Variants in TENM3 observed in about 807,000 individuals in gnomAD.
TENM3 encodes teneurin-3.
TENM3 carries 63 observed loss-of-function variants against 255.1 expected under a neutral mutation model. That is an observed-to-expected ratio of 0.25 (90% confidence interval 0.20 to 0.30). The LOEUF (loss-of-function observed/expected upper bound fraction) is 0.30, where lower values mean the gene tolerates loss of function less well. TENM3 is among the 10% of genes least tolerant of loss of function. TENM3 has a pLI of 1.00. For missense variants in TENM3, 2,929 were observed against 3,461.1 expected (o/e 0.85, Z 3.86); for synonymous variants, 1,306 against 1,322.3 (o/e 0.99, Z 0.27).
the TENM3 span, among the ~76,000 whole-genome samples, chr4:181,484,094 A>G: frequency 1.3e-5 from 2 of 152,000 alleles, no homozygotes; most frequent in African/African-American, 4.8e-5. Flanking sequence ...TTTGGTTTGT[A>G]TTTCCAGCCC....
upstream of TENM3, among the ~76,000 whole-genome samples, chr4:182,240,625 C>T (rs7668986): frequency 0.41 from 62,850 of 151,972 alleles, 15,140 homozygotes; most frequent in African/African-American, 0.67. Flanking sequence ...GGGTGATTAC[C>T]ATCAGAGCCT....
intron 1 of TENM3, among the ~76,000 whole-genome samples, chr4:182,203,073 C>T (rs1175733344): frequency 6.6e-6 from 1 of 151,946 alleles, no homozygotes; most frequent in East Asian, 1.9e-4. Flanking sequence ...AAAAATTAGC[C>T]AGGCGTAGTG....
chr4:182,248,646 A>G (rs1489377657), intron 1 of TENM3, among the ~76,000 whole-genome samples: 2 of 152,250 alleles, frequency 1.3e-5, no homozygotes, highest in Admixed American at 1.3e-4. Context: ...TGTAATTTTA[A>G]AATAGCATCT....
At chr4:182,046,658 A>G in the TENM3 span, among the ~76,000 whole-genome samples, 1 of 152,098 alleles carries the variant, frequency 6.6e-6, no homozygotes, top group African/African-American at 2.4e-5. Context: ...TGAGTCCTGG[A>G]GGTCAAGGCT....
chr4:182,297,777 C>T (rs917768688), intron 1 of TENM3, among the ~76,000 whole-genome samples: 2 of 152,172 alleles, frequency 1.3e-5, no homozygotes, highest in Admixed American at 6.6e-5. Flanking sequence ...AACAGGCTAC[C>T]GGGCAGCCAG....
chr4:182,582,899 G>A (rs1359685802), intron 3 of TENM3, among the ~76,000 whole-genome samples: 2 of 152,166 alleles, frequency 1.3e-5, no homozygotes, highest in African/African-American at 4.8e-5. Flanking sequence ...TTGCCTTGGG[G>A]AATTAGAATG....
the TENM3 span, among the ~76,000 whole-genome samples, chr4:182,004,927 C>G: frequency 3.9e-5 from 6 of 151,956 alleles, no homozygotes; most frequent in Admixed American, 3.9e-4. Flanking sequence ...TTGTTTTCTT[C>G]TTGTAAATAT....
the TENM3 span, among the ~76,000 whole-genome samples, chr4:182,106,466 A>G: frequency 6.6e-6 from 1 of 152,214 alleles, no homozygotes; most frequent in Non-Finnish European, 1.5e-5. Context: ...TCCAAAAATA[A>G]AAACCAAAAA....
At chr4:182,758,919 T>A (rs1335269940) in intron 22 of TENM3, among the ~76,000 whole-genome samples, 2 of 152,206 alleles carry the variant, frequency 1.3e-5, no homozygotes, top group South Asian at 2.1e-4. Context: ...ACTTTTCAGC[T>A]CAAATTCCCA....
the TENM3 span, among the ~76,000 whole-genome samples, chr4:181,615,356 C>G: frequency 6.6e-6 from 1 of 152,102 alleles, no homozygotes; most frequent in African/African-American, 2.4e-5. Flanking sequence ...CAGGATCTTT[C>G]AAAAGAAAAA....
At chr4:182,169,808 C>T (rs1406331624) in intron 1 of TENM3, among the ~76,000 whole-genome samples, 1 of 151,878 alleles carries the variant, frequency 6.6e-6, no homozygotes, top group African/African-American at 2.4e-5. Context: ...ACATCAGTAA[C>T]AAAATTATAG....
chr4:182,498,797 G>A (rs1443030146), intron 3 of TENM3, among the ~76,000 whole-genome samples: 2 of 152,054 alleles, frequency 1.3e-5, no homozygotes, highest in Non-Finnish European at 2.9e-5. Context: ...GGAGGTTGCA[G>A]TGAGTTGAGA....
chr4:181,551,838 ATGTGTGTGTGTG>A, the TENM3 span, among the ~76,000 whole-genome samples: 2,376 of 138,890 alleles, frequency 0.017, 41 homozygotes, highest in African/African-American at 0.034. Flanking sequence ...ATATATGTAT[ATGTGTGTGTGTG>A]TGTGTGTGTG....
the TENM3 span, among the ~76,000 whole-genome samples, chr4:181,483,386 G>A: frequency 6.6e-6 from 1 of 152,012 alleles, no homozygotes; most frequent in African/African-American, 2.4e-5. Context: ...CAGAAAGGAA[G>A]GCAGAAAAAA....
chr4:181,902,140 C>G, the TENM3 span, among the ~76,000 whole-genome samples: 1 of 123,030 alleles, frequency 8.1e-6, no homozygotes, highest in African/African-American at 3.1e-5. Flanking sequence ...CACACACACA[C>G]TTATATACAA....
intron 3 of TENM3, among the ~76,000 whole-genome samples, chr4:182,480,515 G>T (rs563121377): frequency 2.8e-4 from 43 of 152,082 alleles, no homozygotes; most frequent in Admixed American, 9.2e-4. Context: ...AAGTTTGCTT[G>T]TAGGCCTTAA....
chr4:181,897,532 T>G, the TENM3 span, among the ~76,000 whole-genome samples: 1 of 152,212 alleles, frequency 6.6e-6, no homozygotes, highest in Admixed American at 6.5e-5. Flanking sequence ...GATACTGACT[T>G]TAAGTTAAAA....
intron 3 of TENM3, among the ~76,000 whole-genome samples, chr4:182,448,123 C>T (rs1773081473): frequency 6.6e-6 from 1 of 152,230 alleles, no homozygotes; most frequent in African/African-American, 2.4e-5. Flanking sequence ...GCCCCTGGTA[C>T]CGTCTTCTCT....
the TENM3 span, among the ~76,000 whole-genome samples, chr4:182,114,576 T>A: frequency 3.3e-5 from 5 of 152,232 alleles, no homozygotes; most frequent in Admixed American, 2.0e-4. Flanking sequence ...ATAATATATA[T>A]GTTTATAGAT....
Sources: gnomAD v4.1 joint callset for allele counts (sites outside exome capture counted in the v4.1 genomes callset) on GRCh38, gnomAD v4.1.1 for gene constraint, MANE v1.5 for transcripts, NCBI Gene and HGNC (gene_info 2026-07-23, HGNC 2026-07-21) for gene names.